The following ADAMTSL1 variants were observed in gnomAD, a reference collection of about 807,000 sequenced individuals.
ADAMTSL1 encodes ADAMTS like 1, also known as ADAMTS-like protein 1.
ADAMTSL1 carries 126 observed loss-of-function variants against 201.8 expected under a neutral mutation model. The ratio of observed to expected loss-of-function variants is 0.62; its 90% CI spans 0.54 to 0.72. ADAMTSL1 has a LOEUF of 0.72. Among genes scored for constraint, ADAMTSL1 ranks in the 30% least tolerant of loss-of-function variants. The pLI is 0.00. For missense variants in ADAMTSL1, 2,679 were observed against 2,277.8 expected, an observed-to-expected ratio of 1.18 and a Z score of -3.59; for synonymous variants, 1,121 against 903.4, an observed-to-expected ratio of 1.24 and a Z score of -4.32.
At position 18,569,387 on chromosome 9, in the gene ADAMTSL1, A is replaced by G. The variant is rs77900579; in HGVS notation, c.238-4643A>G. 8.3e-3 allele frequency among the ~76,000 whole-genome samples: 1,257 copies of G among 152,328 alleles called. 9 individuals are homozygous for G. The highest frequency in any genetic ancestry group is 0.046 in the East Asian group (237 of 5,180). On this transcript the variant is annotated intron_variant, in intron 3 of 28. Transcript: ENST00000380548. ...AGAGAAATGATTATATTAAATGGCT[A>G]AATACAGTAATTCGTGGGATCATGT...
chr9:18,470,285 A>G (rs184844317), upstream of ADAMTSL1, among the ~76,000 whole-genome samples: 168 of 152,350 alleles, frequency 1.1e-3, no homozygotes, highest in African/African-American at 3.8e-3. Flanking sequence ...TTTGAAAACT[A>G]TAATGAATGC....
chr9:18,036,857 G>T (rs1563962547), intron 1 of ADAMTSL1, among the ~76,000 whole-genome samples: 1 of 152,102 alleles, frequency 6.6e-6, no homozygotes, highest in Non-Finnish European at 1.5e-5. Flanking sequence ...TTCTTTTAGA[G>T]TTTCCTTATG....
At chr9:18,373,882 C>G (rs1837165844) in intron 2 of ADAMTSL1, among the ~76,000 whole-genome samples, 1 of 152,212 alleles carries the variant, frequency 6.6e-6, no homozygotes, top group African/African-American at 2.4e-5. Flanking sequence ...ATCTCCCCAC[C>G]TGTATCTCCT....
chr9:18,574,546 C>CCTG, intron 4 of ADAMTSL1: 1 of 553,102 alleles, frequency 1.8e-6, no homozygotes, highest in South Asian at 2.7e-5. Context: ...ATGTACTAGA[C>CCTG]TTTGAAATTA....
intron 3 of ADAMTSL1, among the ~76,000 whole-genome samples, chr9:18,536,157 A>G (rs1249663631): frequency 6.6e-6 from 1 of 152,216 alleles, no homozygotes; most frequent in African/African-American, 2.4e-5. Context: ...TTAAGAAAGA[A>G]TATTTTCATG....
chr9:17,968,438 G>C (rs1417958973), intron 1 of ADAMTSL1, among the ~76,000 whole-genome samples: 1 of 152,080 alleles, frequency 6.6e-6, no homozygotes, highest in East Asian at 1.9e-4. Flanking sequence ...CCAATTATCT[G>C]GTTAGTTCAG....
intron 19 of ADAMTSL1, among the ~76,000 whole-genome samples, chr9:18,779,334 CTT>C (rs1021168176): frequency 4.5e-4 from 69 of 152,294 alleles, no homozygotes; most frequent in Non-Finnish European, 8.8e-4. Flanking sequence ...GCCTCTCAGC[CTT>C]AGTACTTATA....
intron 1 of ADAMTSL1, among the ~76,000 whole-genome samples, chr9:18,093,818 G>T (rs549870880): frequency 6.6e-6 from 1 of 152,268 alleles, no homozygotes; most frequent in Non-Finnish European, 1.5e-5. Flanking sequence ...TTGGAAAGCT[G>T]GTGTTTGAAC....
chr9:18,718,321 A>G (rs375289867), intron 14 of ADAMTSL1: 13 of 742,652 alleles, frequency 1.8e-5, no homozygotes, highest in African/African-American at 3.4e-5. Flanking sequence ...CTCATGTACA[A>G]ATCCCTCCTT....
intron 1 of ADAMTSL1, among the ~76,000 whole-genome samples, chr9:18,494,852 C>T (rs1371038921): frequency 6.6e-6 from 1 of 152,152 alleles, no homozygotes; most frequent in East Asian, 1.9e-4. Flanking sequence ...ACTACTAGGT[C>T]CCATCAGCTT....
At chr9:18,032,147 G>C (rs1820986444) in intron 1 of ADAMTSL1, among the ~76,000 whole-genome samples, 1 of 152,156 alleles carries the variant, frequency 6.6e-6, no homozygotes. Flanking sequence ...AGAAGCTGTG[G>C]CTGGCCAACA....
chr9:18,759,163 A>G (rs2133648484), intron 16 of ADAMTSL1, among the ~76,000 whole-genome samples: 1 of 152,266 alleles, frequency 6.6e-6, no homozygotes, highest in Admixed American at 6.5e-5. Flanking sequence ...AATTGCCACA[A>G]TCTCTGGATC....
chr9:18,658,567 G>T (rs982550775), intron 8 of ADAMTSL1, among the ~76,000 whole-genome samples: 1 of 152,066 alleles, frequency 6.6e-6, no homozygotes, highest in Non-Finnish European at 1.5e-5. Flanking sequence ...AATGCCATTC[G>T]TTTTATTCAT....
intron 1 of ADAMTSL1, among the ~76,000 whole-genome samples, chr9:17,941,564 A>T (rs1335508357): frequency 6.6e-6 from 1 of 152,146 alleles, no homozygotes; most frequent in Non-Finnish European, 1.5e-5. Context: ...TTTATCCTAT[A>T]AATTGACTCT....
At chr9:18,455,989 C>T (rs1820587712) in intron 2 of ADAMTSL1, among the ~76,000 whole-genome samples, 1 of 152,160 alleles carries the variant, frequency 6.6e-6, no homozygotes, top group African/African-American at 2.4e-5. Context: ...CCCATTTCAA[C>T]TTGTTCTCTT....
At chr9:18,824,582 C>T (rs1824415099) in intron 21 of ADAMTSL1, among the ~76,000 whole-genome samples, 1 of 152,156 alleles carries the variant, frequency 6.6e-6, no homozygotes, top group African/African-American at 2.4e-5. Flanking sequence ...CTGCCCTTGC[C>T]CCAAAGGCAA....
At chr9:18,641,309 T>A (rs1487059140) in intron 7 of ADAMTSL1, among the ~76,000 whole-genome samples, 1 of 152,114 alleles carries the variant, frequency 6.6e-6, no homozygotes, top group Non-Finnish European at 1.5e-5. Flanking sequence ...ATTGTATTTG[T>A]CTTCATATCT....
In ADAMTSL1 at chr9:18,365,110, A is replaced by G. The variant is rs1441839851; in HGVS notation, c.208-139719A>G. ...ATGCTCCCGGAGATAATGTACAAGA[A>G]TATTCACAGCAGCAACTTTCTTAGT... is the stretch of plus-strand genomic sequence containing the variant. On this transcript the variant is annotated intron_variant, in intron 2 of 29. Coordinates refer to the ADAMTSL1 transcript ENST00000680146. Among the ~76,000 whole-genome samples, 7 of 152,154 alleles carry G rather than the reference A, an allele frequency of 4.6e-5. 1 individual carries two copies. The highest frequency in any genetic ancestry group is 4.6e-4 in the Admixed American group (7 of 15,278).
intron 5 of ADAMTSL1, among the ~76,000 whole-genome samples, chr9:18,626,939 CTTTCTTTCTTTCTTTTCTTTTCTT>C (rs1826422460): frequency 1.6e-5 from 2 of 122,940 alleles, no homozygotes; most frequent in Admixed American, 1.6e-4. Context: ...TCTTTCTTTC[CTTTCTTTCTTTCTTTTCTTTTCTT>C]TTTCTTTCTT....
Sources: gnomAD v4.1 joint callset for allele counts (sites outside exome capture counted in the v4.1 genomes callset) on GRCh38, gnomAD v4.1.1 for gene constraint, MANE v1.5 for transcripts, NCBI Gene and HGNC (gene_info 2026-07-23, HGNC 2026-07-21) for gene names.